Variants in NRXN1 observed in about 807,000 individuals in gnomAD.
The protein encoded by NRXN1 is neurexin-1.
NRXN1 carries 39 observed loss-of-function variants against 150.9 expected under a neutral mutation model. That is an observed-to-expected ratio of 0.26 (90% CI 0.20 to 0.34). The LOEUF (loss-of-function observed/expected upper bound fraction) is 0.34. Ranked by LOEUF, NRXN1 falls within the 10% of genes least tolerant of loss-of-function variation. The probability of loss-of-function intolerance (pLI) is 1.00; values close to 1 mark genes in which losing one functional copy is unlikely to be tolerated. For missense variants in NRXN1, 1,815 were observed against 1,949.9 expected (o/e 0.93, Z 1.30); for synonymous variants, 924 against 757.0 (o/e 1.22, Z -3.62).
intron 17 of NRXN1, chr2:50,464,101 T>A (rs1167683191): frequency 6.6e-6 from 1 of 151,750 alleles, no homozygotes; most frequent in Admixed American, 6.6e-5. Flanking sequence ...TATGTAAAGT[T>A]GTTTATATAA....
chr2:50,681,416 G>T (rs1317662500), intron 5 of NRXN1, among the ~76,000 whole-genome samples: 1 of 152,086 alleles, frequency 6.6e-6, no homozygotes, highest in Non-Finnish European at 1.5e-5. Context: ...CTTCTATTTT[G>T]GGAGTCAGAC....
intron 12 of NRXN1, among the ~76,000 whole-genome samples, chr2:50,520,351 T>C (rs2092751727): frequency 6.6e-6 from 1 of 151,974 alleles, no homozygotes. Context: ...AGTGTAGCTT[T>C]ATCCTAAATA....
intron 2 of NRXN1, among the ~76,000 whole-genome samples, chr2:50,928,122 T>A (rs561647015): frequency 6.6e-6 from 1 of 152,036 alleles, no homozygotes; most frequent in South Asian, 2.1e-4. Flanking sequence ...TAATGGGAAT[T>A]CCTTTAAACG....
chr2:50,757,156 T>C (rs1204721134), intron 5 of NRXN1, among the ~76,000 whole-genome samples: 20 of 151,852 alleles, frequency 1.3e-4, no homozygotes, highest in Admixed American at 1.2e-3. Flanking sequence ...CAAAGAAGCA[T>C]ATTTAGTATC....
At chr2:50,140,729 G>A (rs1448375965) in intron 18 of NRXN1, among the ~76,000 whole-genome samples, 3 of 150,370 alleles carry the variant, frequency 2.0e-5, no homozygotes, top group African/African-American at 7.3e-5. Context: ...ATTTTCAAAT[G>A]TTGGCAACCA....
chr2:50,225,533 C>A (rs1275933272), intron 18 of NRXN1, among the ~76,000 whole-genome samples: 1 of 151,740 alleles, frequency 6.6e-6, no homozygotes, highest in Non-Finnish European at 1.5e-5. Flanking sequence ...CCAAGAAGGG[C>A]ATAATTAGTC....
At chr2:50,657,545 T>C (rs962727897) in intron 5 of NRXN1, among the ~76,000 whole-genome samples, 2 of 152,038 alleles carry the variant, frequency 1.3e-5, no homozygotes, top group Non-Finnish European at 2.9e-5. Context: ...ATACTCATGA[T>C]AAGCAGTTCC....
intron 17 of NRXN1, among the ~76,000 whole-genome samples, chr2:50,296,105 T>C (rs1451099636): frequency 1.3e-5 from 2 of 152,226 alleles, no homozygotes; most frequent in Non-Finnish European, 2.9e-5. Context: ...TAATATTCAC[T>C]ATGACTATAT....
At chr2:50,640,668 G>A (rs779630432) in intron 5 of NRXN1, among the ~76,000 whole-genome samples, 2 of 152,158 alleles carry the variant, frequency 1.3e-5, no homozygotes, top group Non-Finnish European at 2.9e-5. Flanking sequence ...TACTGCCTTT[G>A]CAAAGGAAAT....
At chr2:50,811,681 T>A in intron 5 of NRXN1, among the ~76,000 whole-genome samples, 1 of 152,304 alleles carries the variant, frequency 6.6e-6, no homozygotes, top group East Asian at 1.9e-4. Flanking sequence ...AGATTTATTA[T>A]CTGGCTTCAT....
Position 50,098,852 on chromosome 2 carries a change from T to TGG in NRXN1, c.3547-7359_3547-7358insCC, listed in dbSNP as rs1558874773. On this transcript the variant is annotated intron_variant, in intron 18 of 22. Transcript: ENST00000401669. ...TTAGTTTTTTTTTTTTTTTTTTTTTTTTTTTTTTTTTTTTTTTTTTTTTTT... is the reference window on the plus strand; with the variant it reads ...TTAGTTTTTTTTTTTTTTTTTTTTTTGGTTTTTTTTTTTTTTTTTTTTTTTTT... Among the ~76,000 whole-genome samples the TGG allele has an allele frequency of 6.2e-4, 15 of 24,350 alleles. 1 individual carries two copies. The highest frequency in any genetic ancestry group is 2.3e-3 in the African/African-American group (14 of 6,100). The allele number at this position is 24,350 out of a possible 152,430, so 16.0% of individuals were successfully genotyped here.
At chr2:50,927,792 T>G (rs1687128678) in intron 2 of NRXN1, among the ~76,000 whole-genome samples, 1 of 152,014 alleles carries the variant, frequency 6.6e-6, no homozygotes, top group Admixed American at 6.6e-5. Context: ...ACAGCATTAT[T>G]TAATTTCTGT....
intron 22 of NRXN1, among the ~76,000 whole-genome samples, chr2:49,925,900 G>A (rs541392483): frequency 9.2e-5 from 14 of 152,142 alleles, no homozygotes; most frequent in South Asian, 4.1e-4. Context: ...ACACAAATAA[G>A]CTTAAGTCTT....
chr2:50,489,977 G>A (rs1039920700), intron 15 of NRXN1, among the ~76,000 whole-genome samples: 7 of 152,168 alleles, frequency 4.6e-5, no homozygotes, highest in African/African-American at 1.7e-4. Context: ...TTACAGTACG[G>A]AGAACAGATT....
chr2:50,056,334 A>G (rs1327646311), intron 19 of NRXN1, among the ~76,000 whole-genome samples: 1 of 152,120 alleles, frequency 6.6e-6, no homozygotes, highest in Non-Finnish European at 1.5e-5. Flanking sequence ...CTGATTACAC[A>G]CTTTTGGAGA....
intron 18 of NRXN1, among the ~76,000 whole-genome samples, chr2:50,231,789 G>C (rs1177001926): frequency 1.3e-5 from 2 of 152,032 alleles, no homozygotes; most frequent in Non-Finnish European, 2.9e-5. Context: ...ATTTCCAAAT[G>C]ACATCACTAA....
At chr2:50,570,777 G>T (rs1670552619) in intron 8 of NRXN1, among the ~76,000 whole-genome samples, 1 of 152,036 alleles carries the variant, frequency 6.6e-6, no homozygotes, top group Non-Finnish European at 1.5e-5. Context: ...ATATAATCCT[G>T]AGTCTTGTTA....
intron 21 of NRXN1, among the ~76,000 whole-genome samples, chr2:49,998,897 G>A (rs761995353): frequency 2.0e-5 from 3 of 152,012 alleles, no homozygotes; most frequent in African/African-American, 7.3e-5. Context: ...TACTACTGTC[G>A]TTGTAGTCAG....
chr2:50,730,936 G>A (rs1249738319), intron 5 of NRXN1, among the ~76,000 whole-genome samples: 1 of 152,088 alleles, frequency 6.6e-6, no homozygotes, highest in African/African-American at 2.4e-5. Context: ...GCCTCCCAAA[G>A]TGCTGGGATT....
Sources: gnomAD v4.1 joint callset for allele counts (sites outside exome capture counted in the v4.1 genomes callset) on GRCh38, gnomAD v4.1.1 for gene constraint, MANE v1.5 for transcripts, NCBI Gene and HGNC (gene_info 2026-07-23, HGNC 2026-07-21) for gene names.